Variants in PCDH15 observed in about 807,000 individuals in gnomAD.
The protein encoded by PCDH15 is protocadherin-15.
In PCDH15, 129 loss-of-function variants were observed where a neutral mutation model predicts 178.5. That is an observed-to-expected ratio of 0.72 (90% CI 0.63 to 0.84). The LOEUF (loss-of-function observed/expected upper bound fraction) is 0.84. PCDH15 is among the 40% of genes least tolerant of loss of function. The pLI is 0.00. For synonymous variants in PCDH15, 800 were observed against 732.0 expected (o/e 1.09, Z -1.50); for missense variants, 2,230 against 2,099.9 (o/e 1.06, Z -1.21).
intron 1 of PCDH15, among the ~76,000 whole-genome samples, chr10:55,240,975 G>A (rs1391921483): frequency 1.3e-5 from 2 of 152,184 alleles, no homozygotes; most frequent in Non-Finnish European, 2.9e-5. Context: ...CCAGCATTTT[G>A]GGAGGCCAAG....
chr10:54,211,819 T>A (rs2051472812), intron 10 of PCDH15, among the ~76,000 whole-genome samples: 1 of 152,046 alleles, frequency 6.6e-6, no homozygotes, highest in African/African-American at 2.4e-5. Context: ...ATTTCAATGG[T>A]CCCCTGAACA....
intron 2 of PCDH15, among the ~76,000 whole-genome samples, chr10:54,945,039 G>A (rs1039256901): frequency 1.3e-5 from 2 of 151,832 alleles, no homozygotes; most frequent in Admixed American, 6.6e-5. Context: ...GTGTGCAAAG[G>A]TTGACTTCTG....
rs558774844 is a variant in PCDH15 at position 54,265,103 on chromosome 10, AT to A, written c.877-28173del. ...ACAATCCAGCAGAGATTAGAGGTCT[AT>A]TTTTAGTACTCTAAAAGAAAAGACA... is the stretch of plus-strand genomic sequence containing the variant. On this transcript the variant is annotated intron_variant, in intron 8 of 37. Coordinates refer to ENST00000644397, the MANE Select transcript of PCDH15 (RefSeq NM_001384140.1). 2.4e-3 allele frequency among the ~76,000 whole-genome samples: 365 copies of A among 152,280 alleles called. 3 individuals are homozygous for A. The highest frequency in any genetic ancestry group is 8.0e-3 in the African/African-American group (333 of 41,546).
At chr10:54,596,043 G>C (rs2092218611) in intron 2 of PCDH15, among the ~76,000 whole-genome samples, 1 of 152,008 alleles carries the variant, frequency 6.6e-6, no homozygotes, top group Admixed American at 6.6e-5. Context: ...GAAAACATAA[G>C]TCAGGATATC....
intron 2 of PCDH15, among the ~76,000 whole-genome samples, chr10:54,951,181 A>C (rs1263630823): frequency 6.6e-6 from 1 of 151,954 alleles, no homozygotes; most frequent in African/African-American, 2.4e-5. Flanking sequence ...CATACAGAAC[A>C]GCTTCACTGC....
intron 1 of PCDH15, among the ~76,000 whole-genome samples, chr10:55,199,508 G>A (rs1173030229): frequency 6.6e-6 from 1 of 151,906 alleles, no homozygotes; most frequent in Non-Finnish European, 1.5e-5. Context: ...TGGAAAATTT[G>A]CAGCCTGACC....
At chr10:55,379,489 T>G (rs1837482036) in intron 2 of PCDH15, among the ~76,000 whole-genome samples, 2 of 152,064 alleles carry the variant, frequency 1.3e-5, no homozygotes, top group African/African-American at 2.4e-5. Flanking sequence ...ATCAATTATT[T>G]AGTACATAGT....
intron 6 of PCDH15, among the ~76,000 whole-genome samples, chr10:54,334,157 A>T (rs903826505): frequency 6.6e-6 from 1 of 152,202 alleles, no homozygotes; most frequent in African/African-American, 2.4e-5. Context: ...CCTGGCCTCC[A>T]TTAAGAAAGG....
intron 9 of PCDH15, among the ~76,000 whole-genome samples, chr10:54,219,849 A>G (rs1209650356): frequency 6.6e-6 from 1 of 151,982 alleles, no homozygotes; most frequent in Non-Finnish European, 1.5e-5. Context: ...AAAAATAGTT[A>G]TTTTATAAGC....
At chr10:53,868,176 A>G (rs1204319633) in intron 26 of PCDH15, among the ~76,000 whole-genome samples, 1 of 152,080 alleles carries the variant, frequency 6.6e-6, no homozygotes, top group African/African-American at 2.4e-5. Context: ...TACCTTATTC[A>G]TGATACTAGA....
rs141406101 is a variant in PCDH15 at position 54,522,553 on chromosome 10, C to T, written c.157+5259G>A. On this transcript the variant is annotated intron_variant, in intron 3 of 37. Coordinates refer to ENST00000644397, the MANE Select transcript of PCDH15 (RefSeq NM_001384140.1). ...GAAACAAGTCGTCTATCTGAAACAG[C>T]ATCACTGCCTCCTCAGTTGTTAATC... 7.8e-3 allele frequency among the ~76,000 whole-genome samples: 1,182 copies of T among 152,336 alleles called. 10 individuals carry two copies. The highest frequency in any genetic ancestry group is 0.013 in the South Asian group (65 of 4,830).
At chr10:54,502,809 C>T (rs988386902) in intron 3 of PCDH15, among the ~76,000 whole-genome samples, 5 of 151,872 alleles carry the variant, frequency 3.3e-5, no homozygotes, top group Non-Finnish European at 7.4e-5. Flanking sequence ...GTATTCTTTC[C>T]ACTGTTTCCT....
At chr10:54,464,279 C>T (rs1161661493) in intron 3 of PCDH15, among the ~76,000 whole-genome samples, 1 of 151,894 alleles carries the variant, frequency 6.6e-6, no homozygotes, top group East Asian at 1.9e-4. Flanking sequence ...TTATAAATGA[C>T]TAAAACAAAA....
intron 18 of PCDH15, among the ~76,000 whole-genome samples, chr10:54,028,438 G>A (rs1490677901): frequency 1.3e-5 from 2 of 151,398 alleles, no homozygotes; most frequent in Admixed American, 1.3e-4. Context: ...CCATTACTGG[G>A]TATATACCCA....
Position 54,329,308 on chromosome 10 carries a change from G to C in PCDH15, c.705+288C>G, listed in dbSNP as rs1159865. On this transcript the variant is annotated intron_variant, in intron 7 of 37. Coordinates refer to ENST00000644397, the MANE Select transcript of PCDH15 (RefSeq NM_001384140.1). The stretch of plus-strand genomic sequence containing the variant: ...ACACACCCAAGGTGATTCTGCTGCT[G>C]TTAATTTGCAGGATCCTACTTTGAA... Among the ~76,000 whole-genome samples, 102,524 of 151,650 alleles carry C rather than the reference G, an allele frequency of 0.68. 35,393 individuals carry two copies. Among genetic ancestry groups the C allele is most frequent in the Middle Eastern group, 0.82 (240 of 294 alleles).
At chr10:53,903,508 C>G in intron 25 of PCDH15, 138 bp from the exon 26 acceptor site, 1 of 912,860 alleles carries the variant, frequency 1.1e-6, no homozygotes, top group African/African-American at 1.7e-5. Flanking sequence ...CCATGCCTAG[C>G]ACCCCCAAAT....
chr10:54,632,614 A>C (rs2134721177), intron 2 of PCDH15, among the ~76,000 whole-genome samples: 1 of 152,268 alleles, frequency 6.6e-6, no homozygotes, highest in African/African-American at 2.4e-5. Context: ...CTAAAATTTT[A>C]ATTAACAATA....
intron 3 of PCDH15, among the ~76,000 whole-genome samples, chr10:54,820,936 G>T (rs1953027364): frequency 6.6e-6 from 1 of 151,882 alleles, no homozygotes; most frequent in Non-Finnish European, 1.5e-5. Flanking sequence ...ATGTATCTTA[G>T]CTATTTTAAG....
chr10:54,781,805 T>C (rs1225450819), intron 1 of PCDH15, among the ~76,000 whole-genome samples: 1 of 152,202 alleles, frequency 6.6e-6, no homozygotes, highest in Non-Finnish European at 1.5e-5. Context: ...GGAAATAAAA[T>C]GGTGCTTTGA....
Sources: allele counts gnomAD v4.1 joint callset (sites outside exome capture counted in the v4.1 genomes callset), GRCh38; gene constraint gnomAD v4.1.1; transcripts MANE v1.5; gene names NCBI Gene and HGNC (gene_info 2026-07-23, HGNC 2026-07-21).